MTUS2: variants seen among roughly 807,000 people sequenced by gnomAD.
MTUS2 encodes the protein microtubule associated scaffold protein 2, also known as microtubule-associated tumor suppressor candidate 2.
Under a neutral mutation model 114.1 loss-of-function variants are expected in MTUS2, and 40 were observed. That is an observed-to-expected ratio of 0.35 (90% CI 0.27 to 0.46). The LOEUF is 0.46. Among genes scored for constraint, MTUS2 ranks in the 20% least tolerant of loss-of-function variants. MTUS2 has a pLI of 1.00. For synonymous variants in MTUS2, 688 were observed against 672.0 expected (o/e 1.02, Z -0.37); for missense variants, 1,679 against 1,705.4 (o/e 0.98, Z 0.27).
intron 2 of MTUS2, among the ~76,000 whole-genome samples, chr13:29,013,410 C>T (rs1885933847): frequency 6.6e-6 from 1 of 152,036 alleles, no homozygotes; most frequent in African/African-American, 2.4e-5. Context: ...AAAAAAATTG[C>T]CTTCCTTCAC....
At chr13:29,241,038 CAAAG>C (rs1214000190) in intron 5 of MTUS2, among the ~76,000 whole-genome samples, 4 of 151,718 alleles carry the variant, frequency 2.6e-5, no homozygotes, top group Non-Finnish European at 4.4e-5. Context: ...TAATTATTGA[CAAAG>C]AAGAGAGGAA....
chr13:29,457,230 A>G (rs1222684191), intron 9 of MTUS2, among the ~76,000 whole-genome samples: 1 of 152,096 alleles, frequency 6.6e-6, no homozygotes, highest in Non-Finnish European at 1.5e-5. Flanking sequence ...CTATGAATAC[A>G]TCTATGTAAT....
intron 9 of MTUS2, among the ~76,000 whole-genome samples, chr13:29,455,779 G>A (rs758799327): frequency 1.3e-5 from 2 of 152,070 alleles, no homozygotes; most frequent in South Asian, 4.2e-4. Flanking sequence ...TCAGGAGTTC[G>A]AAACCAGCCT....
At chr13:29,124,625 A>C (rs569403987) in intron 5 of MTUS2, among the ~76,000 whole-genome samples, 1 of 152,334 alleles carries the variant, frequency 6.6e-6, no homozygotes, top group East Asian at 1.9e-4. Flanking sequence ...AGAGATATTT[A>C]TGTATCCATG....
intron 5 of MTUS2, among the ~76,000 whole-genome samples, chr13:29,258,723 A>G (rs1897362593): frequency 6.6e-6 from 1 of 152,240 alleles, no homozygotes; most frequent in Admixed American, 6.5e-5. Context: ...GTTGCATTTC[A>G]TAAATATTTT....
intron 2 of MTUS2, among the ~76,000 whole-genome samples, chr13:28,926,385 G>A (rs1017697850): frequency 6.6e-6 from 1 of 152,156 alleles, no homozygotes; most frequent in African/African-American, 2.4e-5. Context: ...ACAATTGGTG[G>A]TGGACAGAAA....
At chr13:29,337,230 C>T (rs1015019199) in intron 7 of MTUS2, among the ~76,000 whole-genome samples, 3 of 152,052 alleles carry the variant, frequency 2.0e-5, no homozygotes, top group Admixed American at 6.5e-5. Context: ...TGTGTCTACC[C>T]GAATGGCCAC....
At chr13:28,960,271 A>C (rs1883262942) in intron 2 of MTUS2, among the ~76,000 whole-genome samples, 1 of 152,184 alleles carries the variant, frequency 6.6e-6, no homozygotes, top group Non-Finnish European at 1.5e-5. Flanking sequence ...ACCCCCATAA[A>C]TTGCTTGTGG....
intron 2 of MTUS2, among the ~76,000 whole-genome samples, chr13:28,959,610 C>G (rs1432606073): frequency 2.0e-5 from 3 of 152,076 alleles, no homozygotes; most frequent in Admixed American, 2.0e-4. Context: ...TGAAGGGGAG[C>G]TGGTGAGTCA....
chr13:29,321,548 A>C (rs907008424), intron 6 of MTUS2, among the ~76,000 whole-genome samples: 17 of 152,250 alleles, frequency 1.1e-4, no homozygotes, highest in Non-Finnish European at 1.8e-4. Flanking sequence ...TTTTGCCAGC[A>C]AAGGGAGGGT....
chr13:29,416,437 G>GCACATATATA (rs1566188505), intron 8 of MTUS2, among the ~76,000 whole-genome samples: 2 of 150,892 alleles, frequency 1.3e-5, no homozygotes, highest in East Asian at 3.9e-4. Flanking sequence ...TAACATATAT[G>GCACATATATA]TAGCACATAT....
At position 29,314,787 on chromosome 13, in the gene MTUS2, G is replaced by A. The variant is rs148134743; in HGVS notation, c.2807-9826G>A. On this transcript the variant is annotated intron_variant, in intron 6 of 15. Transcript: ENST00000612955. ...GTACAGAACTTTGTTTTAAAAAATA[G>A]TTTTCTACCATATGATCTAGCAGTT... 4.3e-3 allele frequency among the ~76,000 whole-genome samples: 652 copies of A among 152,264 alleles called. 5 individuals carry two copies. The highest frequency in any genetic ancestry group is 0.015 in the African/African-American group (604 of 41,562).
intron 5 of MTUS2, among the ~76,000 whole-genome samples, chr13:29,218,104 G>A (rs995140670): frequency 6.6e-6 from 1 of 151,616 alleles, no homozygotes; most frequent in African/African-American, 2.4e-5. Flanking sequence ...ACAAAAGAGT[G>A]AGACCTTGTC....
chr13:28,845,657 TTTG>T (rs1486473597), intron 2 of MTUS2, among the ~76,000 whole-genome samples: 67 of 140,546 alleles, frequency 4.8e-4, no homozygotes, highest in African/African-American at 2.0e-3. Context: ...CTCTGTTTTG[TTTG>T]TTTTTTTTTT....
intron 5 of MTUS2, among the ~76,000 whole-genome samples, chr13:29,152,668 C>A (rs1892707393): frequency 6.6e-6 from 1 of 152,094 alleles, no homozygotes; most frequent in Non-Finnish European, 1.5e-5. Flanking sequence ...CGCATGGACC[C>A]TTCTGTAGAG....
chr13:29,248,360 A>T (rs141373755), intron 5 of MTUS2, among the ~76,000 whole-genome samples: 1 of 152,194 alleles, frequency 6.6e-6, no homozygotes, highest in African/African-American at 2.4e-5. Flanking sequence ...TTATCCATAT[A>T]ACCACCTGTT....
At chr13:29,265,398 T>C (rs914928147) in intron 5 of MTUS2, among the ~76,000 whole-genome samples, 2 of 152,212 alleles carry the variant, frequency 1.3e-5, no homozygotes, top group African/African-American at 4.8e-5. Flanking sequence ...CGTCTTCCAG[T>C]CTTCTTCTGA....
intron 5 of MTUS2, among the ~76,000 whole-genome samples, chr13:29,161,254 G>T (rs1893083717): frequency 6.6e-6 from 1 of 152,148 alleles, no homozygotes; most frequent in Non-Finnish European, 1.5e-5. Context: ...TTGTGATATT[G>T]TATTATAATT....
At chr13:29,099,946 T>C (rs1394026324) in intron 4 of MTUS2, among the ~76,000 whole-genome samples, 1 of 152,208 alleles carries the variant, frequency 6.6e-6, no homozygotes, top group Non-Finnish European at 1.5e-5. Context: ...GATTTATAAC[T>C]TGATGTTTTA....
Sources: gnomAD v4.1 joint callset for allele counts (sites outside exome capture counted in the v4.1 genomes callset) on GRCh38, gnomAD v4.1.1 for gene constraint, MANE v1.5 for transcripts, NCBI Gene and HGNC (gene_info 2026-07-23, HGNC 2026-07-21) for gene names.